The following RIT2 variants were observed in gnomAD, a reference collection of about 807,000 sequenced individuals.
The protein encoded by RIT2 is Ras like without CAAX 2, also known as GTP-binding protein Rit2.
RIT2 carries 24 observed loss-of-function variants against 23.7 expected under a neutral mutation model. The observed-to-expected ratio is 1.01, with a 90% CI of 0.73 to 1.43. The LOEUF is 1.43. Among genes scored for constraint, RIT2 ranks in the 40% most tolerant of loss-of-function variants. The pLI, the probability that RIT2 is intolerant of heterozygous loss-of-function variation, is 0.00. For missense variants in RIT2, 236 were observed against 266.9 expected (o/e 0.88, Z 0.81); for synonymous variants, 107 against 91.1 (o/e 1.17, Z -0.99).
intron 1 of RIT2, among the ~76,000 whole-genome samples, chr18:43,068,854 A>G (rs1056491389): frequency 2.0e-5 from 3 of 152,074 alleles, no homozygotes; most frequent in Non-Finnish European, 4.4e-5. Flanking sequence ...TGTTTGTGTG[A>G]TTTTTGAACC....
intron 2 of RIT2, among the ~76,000 whole-genome samples, chr18:43,006,359 A>G (rs1287902492): frequency 6.6e-6 from 1 of 151,700 alleles, no homozygotes; most frequent in East Asian, 1.9e-4. Flanking sequence ...AAGAGGGGAA[A>G]GCAGCAGTAG....
rs1373718843 is a variant in RIT2 at position 42,809,940 on chromosome 18, T to C, written c.427-66220A>G. On this transcript the variant is annotated intron_variant, in intron 4 of 4. Coordinates refer to ENST00000326695, the MANE Select transcript of RIT2 (RefSeq NM_002930.4). Reference sequence around the variant, plus strand: ...AATTTGTATATATGTTATATATTAATATATGATATACATAATTTGTATATG... The same window carrying C: ...AATTTGTATATATGTTATATATTAACATATGATATACATAATTTGTATATG... Among the ~76,000 whole-genome samples, 16 of 143,994 alleles carry C rather than the reference T, an allele frequency of 1.1e-4. 1 individual carries two copies. In the East Asian group the frequency reaches 2.6e-3, roughly 23 times the overall value. 94.5% of individuals were successfully genotyped at this position (143,994 alleles called of 152,430 possible).
intron 3 of RIT2, among the ~76,000 whole-genome samples, chr18:42,947,210 G>T (rs1909748683): frequency 6.6e-6 from 1 of 152,086 alleles, no homozygotes; most frequent in African/African-American, 2.4e-5. Flanking sequence ...GAAAGAGAAG[G>T]ATGTTGGAAA....
chr18:42,827,195 C>CATA (rs1340558823), intron 4 of RIT2, among the ~76,000 whole-genome samples: 4 of 152,052 alleles, frequency 2.6e-5, no homozygotes, highest in Non-Finnish European at 5.9e-5. Context: ...TGCTGACCAG[C>CATA]ATAAGACTGT....
At chr18:43,017,487 T>C (rs1598749268) in intron 2 of RIT2, among the ~76,000 whole-genome samples, 1 of 152,172 alleles carries the variant, frequency 6.6e-6, no homozygotes, top group South Asian at 2.1e-4. Flanking sequence ...GCACTTATTT[T>C]AATTAGCTTC....
intron 1 of RIT2, among the ~76,000 whole-genome samples, chr18:43,096,567 C>T (rs974391773): frequency 1.3e-5 from 2 of 151,924 alleles, no homozygotes; most frequent in South Asian, 2.1e-4. Context: ...TTGGTGACTG[C>T]TAGAGAGATA....
At chr18:42,990,994 T>C (rs1910832463) in intron 2 of RIT2, among the ~76,000 whole-genome samples, 1 of 150,388 alleles carries the variant, frequency 6.6e-6, no homozygotes, top group Non-Finnish European at 1.5e-5. Context: ...CTTAAATGAA[T>C]TGAGTAAATG....
chr18:43,002,565 C>T (rs1911132033), intron 2 of RIT2, among the ~76,000 whole-genome samples: 1 of 151,902 alleles, frequency 6.6e-6, no homozygotes, highest in South Asian at 2.1e-4. Flanking sequence ...GAGAGGATAA[C>T]AGATACTGGC....
At chr18:42,878,199 C>A (rs1225579888) in intron 4 of RIT2, among the ~76,000 whole-genome samples, 1 of 151,170 alleles carries the variant, frequency 6.6e-6, no homozygotes, top group South Asian at 2.1e-4. Context: ...CTGTGTATAA[C>A]TTTTGACTCT....
At chr18:42,975,598 AAT>A (rs370660964) in intron 2 of RIT2, among the ~76,000 whole-genome samples, 86 of 152,160 alleles carry the variant, frequency 5.7e-4, no homozygotes, top group African/African-American at 2.0e-3. Context: ...GCCAAATTTT[AAT>A]ATAGCTGAGT....
At chr18:42,997,647 A>G (rs1911016329) in intron 2 of RIT2, among the ~76,000 whole-genome samples, 1 of 151,988 alleles carries the variant, frequency 6.6e-6, no homozygotes, top group South Asian at 2.1e-4. Flanking sequence ...TATTTTGAGC[A>G]TCTACGAATT....
At chr18:42,953,154 T>C (rs983469409) in intron 3 of RIT2, among the ~76,000 whole-genome samples, 1 of 152,134 alleles carries the variant, frequency 6.6e-6, no homozygotes, top group African/African-American at 2.4e-5. Flanking sequence ...CTTTTTGTCT[T>C]TGTGATCATG....
At chr18:42,813,489 A>G (rs72905003) in intron 4 of RIT2, among the ~76,000 whole-genome samples, 2,114 of 152,268 alleles carry the variant, frequency 0.014, 24 homozygotes, top group Non-Finnish European at 0.022. Flanking sequence ...TATAAAAATT[A>G]GGAAAATAAT....
rs554520551 is a variant in RIT2 at position 42,905,765 on chromosome 18, G to A, written c.426+17807C>T. ...TGGGATTACAGGCGTGAGCCACCGT[G>A]CCCGGCCAAACACATGTATTTTTGA... On this transcript the variant is annotated intron_variant, in intron 4 of 4. Transcript: ENST00000326695. 2.0e-5 allele frequency among the ~76,000 whole-genome samples: 3 copies of A among 151,710 alleles called. No homozygotes were observed. The South Asian group carries it at 6.2e-4, about 32-fold the overall frequency.
At chr18:42,844,656 G>A (rs1906858580) in intron 4 of RIT2, among the ~76,000 whole-genome samples, 1 of 152,050 alleles carries the variant, frequency 6.6e-6, no homozygotes, top group African/African-American at 2.4e-5. Context: ...GCACAGGATA[G>A]GCAGGGCAGG....
Position 42,887,013 on chromosome 18 carries a change from A to G in RIT2, c.426+36559T>C, listed in dbSNP as rs193217847. Among the ~76,000 whole-genome samples, 79 of 152,304 alleles carry G rather than the reference A, an allele frequency of 5.2e-4. 1 individual carries two copies. In the East Asian group the frequency reaches 0.014, roughly 28 times the overall value. ...GAAATTGGAAAGCCAAGGTCCCCCA[A>G]AATTATGAGGTGGACAGAGTACTTT... On this transcript the variant is annotated intron_variant, in intron 4 of 4. Coordinates refer to ENST00000326695, the MANE Select transcript of RIT2 (RefSeq NM_002930.4).
intron 2 of RIT2, among the ~76,000 whole-genome samples, chr18:43,005,805 A>G (rs1237880860): frequency 2.6e-5 from 4 of 151,812 alleles, no homozygotes; most frequent in Non-Finnish European, 5.9e-5. Context: ...GAAAACAGAA[A>G]CAGAGGTAGA....
At chr18:42,905,118 A>G (rs748036013) in intron 4 of RIT2, among the ~76,000 whole-genome samples, 2 of 152,290 alleles carry the variant, frequency 1.3e-5, no homozygotes, top group Admixed American at 6.5e-5. Context: ...TTTCACTTGT[A>G]TTTGAGGAGA....
chr18:42,950,322 C>T (rs915488724), intron 3 of RIT2, among the ~76,000 whole-genome samples: 2 of 152,016 alleles, frequency 1.3e-5, no homozygotes, highest in Admixed American at 1.3e-4. Context: ...ATAAATGGTG[C>T]TGAGAGAGCT....
Sources: allele counts gnomAD v4.1 joint callset (sites outside exome capture counted in the v4.1 genomes callset), GRCh38; gene constraint gnomAD v4.1.1; transcripts MANE v1.5; gene names NCBI Gene and HGNC (gene_info 2026-07-23, HGNC 2026-07-21).